The following TBC1D10A variants were observed in gnomAD, a reference collection of about 807,000 sequenced individuals.
TBC1D10A encodes the protein TBC1 domain family member 10A, also known as EBP50-PDX interactor of 64 kDa.
TBC1D10A carries 24 observed loss-of-function variants against 52.9 expected under a neutral mutation model. The observed-to-expected ratio is 0.45, with a 90% CI of 0.33 to 0.64. The LOEUF is 0.64. TBC1D10A is among the 30% of genes least tolerant of loss of function. The pLI, the probability that TBC1D10A is intolerant of heterozygous loss-of-function variation, is 0.02. For synonymous variants in TBC1D10A, 278 were observed against 282.9 expected (o/e 0.98, Z 0.17); for missense variants, 602 against 687.9 (o/e 0.88, Z 1.40).
chr22:30,293,815 G>T lies in TBC1D10A; in HGVS notation c.896-10C>A. 1 of 1,606,858 alleles carries T rather than the reference G, an allele frequency of 6.2e-7. No individual in the cohort carries two copies. Among genetic ancestry groups the T allele is most frequent in the Admixed American group, 1.7e-5 (1 of 59,836 alleles). On this transcript the variant is annotated splice_polypyrimidine_tract_variant and intron_variant, in intron 7 of 8. Coordinates refer to ENST00000215790, the MANE Select transcript of TBC1D10A (RefSeq NM_031937.3). ...AAGATGATCTTGACCCCTGCATGGGGGATGGGCAGTAAGTACAAGGAAGCT... is the reference window on the plus strand; with the variant it reads ...AAGATGATCTTGACCCCTGCATGGGTGATGGGCAGTAAGTACAAGGAAGCT...
intron 1 of TBC1D10A, among the ~76,000 whole-genome samples, chr22:30,322,459 C>T (rs8140547): frequency 2.0e-5 from 3 of 151,984 alleles, no homozygotes; most frequent in Admixed American, 6.6e-5. Context: ...AGGTTCCCTG[C>T]GGAGTAGGCT....
intron 2 of TBC1D10A, among the ~76,000 whole-genome samples, chr22:30,303,355 A>G (rs1051933218): frequency 1.6e-4 from 25 of 152,258 alleles, no homozygotes; most frequent in Non-Finnish European, 2.5e-4. Flanking sequence ...ATAGACAGAT[A>G]GCTATAGAGA....
intron 1 of TBC1D10A, among the ~76,000 whole-genome samples, chr22:30,315,074 T>G (rs1163109259): frequency 6.6e-6 from 1 of 152,146 alleles, no homozygotes; most frequent in Non-Finnish European, 1.5e-5. Context: ...CTGCTCCAGA[T>G]GACTCAGCGA....
rs1365463322 is a variant in TBC1D10A at position 30,326,936 on chromosome 22, G to A, written c.-55C>T. ...CGGCCACCTCAGCCGCCCTGCTGCC[G>A]CCGACGCCCCGCCCACGCGCGGCGC... On this transcript the variant is annotated 5_prime_UTR_variant, in exon 1 of 9. Transcript: ENST00000215790. The A allele has an allele frequency of 6.1e-5, 83 of 1,352,402 alleles. No homozygotes were observed. Among genetic ancestry groups the A allele is most frequent in the South Asian group, 2.7e-4 (15 of 56,042 alleles). The allele number at this position is 1,352,402 out of a possible 1,614,324, so 83.8% of individuals were successfully genotyped here.
chr22:30,316,755 G>C (rs1930545570), intron 1 of TBC1D10A, among the ~76,000 whole-genome samples: 1 of 152,190 alleles, frequency 6.6e-6, no homozygotes, highest in South Asian at 2.1e-4. Context: ...AGCTGCCTTA[G>C]TTGGCTGGCA....
chr22:30,314,977 A>G (rs1930505314), intron 1 of TBC1D10A, among the ~76,000 whole-genome samples: 1 of 152,144 alleles, frequency 6.6e-6, no homozygotes, highest in Admixed American at 6.5e-5. Flanking sequence ...CCTTGAGTGG[A>G]ATCTTTCGGG....
chr22:30,311,578 A>G (rs1366003132), intron 1 of TBC1D10A, among the ~76,000 whole-genome samples: 1 of 152,072 alleles, frequency 6.6e-6, no homozygotes, highest in Non-Finnish European at 1.5e-5. Flanking sequence ...ACAATGGTAA[A>G]CAGGTTCTCT....
At chr22:30,323,896 G>A (rs749332438) in intron 1 of TBC1D10A, among the ~76,000 whole-genome samples, 5 of 152,108 alleles carry the variant, frequency 3.3e-5, no homozygotes, top group Non-Finnish European at 5.9e-5. Flanking sequence ...ACTTGAACCC[G>A]GGAGGCAGAT....
In TBC1D10A at chr22:30,304,636, G is replaced by A; in HGVS notation, c.210-6C>T. ...CCAGGGGTACTTCCTCCAGCCTGTG[G>A]AGCAGAGGGCAGGGCCTGTGAGAGG... is the stretch of plus-strand genomic sequence containing the variant. On this transcript the variant is annotated splice_polypyrimidine_tract_variant and splice_region_variant and intron_variant, in intron 1 of 8. Coordinates refer to ENST00000215790, the MANE Select transcript of TBC1D10A (RefSeq NM_031937.3). 6.2e-7 allele frequency: 1 copy of A among 1,613,934 alleles called. No homozygotes were observed. Among genetic ancestry groups the A allele is most frequent in the Non-Finnish European group, 8.5e-7 (1 of 1,179,900 alleles).
intron 1 of TBC1D10A, among the ~76,000 whole-genome samples, chr22:30,305,119 C>G (rs542372603): frequency 6.6e-6 from 1 of 152,220 alleles, no homozygotes; most frequent in East Asian, 1.9e-4. Context: ...CCCTTTCCCT[C>G]TCAGCCTTTA....
At chr22:30,303,306 T>TAGACAGACAGAC (rs3067181) in intron 2 of TBC1D10A, among the ~76,000 whole-genome samples, 165 of 148,916 alleles carry the variant, frequency 1.1e-3, no homozygotes, top group Non-Finnish European at 1.4e-3. Context: ...GATAGATAGA[T>TAGACAGACAGAC]AGACAGACAG....
intron 4 of TBC1D10A, 53 bp from the exon 5 acceptor site, chr22:30,295,108 G>A (rs574423206): frequency 1.3e-4 from 206 of 1,570,214 alleles, no homozygotes; most frequent in Non-Finnish European, 1.8e-4. Context: ...TGCTACCCAC[G>A]GCCTTCACCT....
intron 4 of TBC1D10A, 103 bp from the exon 5 acceptor site, chr22:30,295,158 C>T: frequency 2.7e-6 from 3 of 1,118,040 alleles, no homozygotes; most frequent in Non-Finnish European, 2.6e-6. Flanking sequence ...TCTGCCCCTC[C>T]CTTGAGAGGG....
intron 1 of TBC1D10A, among the ~76,000 whole-genome samples, chr22:30,324,255 G>A (rs1930719237): frequency 6.6e-6 from 1 of 152,308 alleles, no homozygotes; most frequent in South Asian, 2.1e-4. Flanking sequence ...ACGAGACTGG[G>A]TTCAGGGCGG....
intron 2 of TBC1D10A, among the ~76,000 whole-genome samples, chr22:30,302,031 C>T (rs1244293602): frequency 6.6e-6 from 1 of 152,238 alleles, no homozygotes; most frequent in Non-Finnish European, 1.5e-5. Context: ...GGCAGCCCCA[C>T]ATCATCACAG....
chr22:30,321,629 G>T (rs905378989), intron 1 of TBC1D10A, among the ~76,000 whole-genome samples: 2 of 152,172 alleles, frequency 1.3e-5, no homozygotes, highest in African/African-American at 4.8e-5. Flanking sequence ...CCCATAACAG[G>T]AAGCCAACAC....
Position 30,294,929 on chromosome 22 carries a change from G to A in TBC1D10A, c.639+12C>T, listed in dbSNP as rs751045505. 9.9e-6 allele frequency: 16 copies of A among 1,614,024 alleles called. No homozygotes were observed. Among genetic ancestry groups the A allele is most frequent in the Non-Finnish European group, 1.3e-5 (15 of 1,180,018 alleles). ...CCACCCACCCCCCTGCCTGCCCGGG[G>A]CCTGGTGGTACCTCAGCAGGCATAT... On this transcript the variant is annotated intron_variant, in intron 5 of 8. Coordinates refer to ENST00000215790, the MANE Select transcript of TBC1D10A (RefSeq NM_031937.3).
intron 1 of TBC1D10A, among the ~76,000 whole-genome samples, chr22:30,309,653 G>A (rs773018772): frequency 6.6e-5 from 10 of 152,202 alleles, no homozygotes; most frequent in Non-Finnish European, 1.3e-4. Context: ...GCTGTGCCAC[G>A]TCATGGTCCA....
At chr22:30,296,017 C>T in intron 3 of TBC1D10A, 174 bp from the exon 4 acceptor site, 1 of 626,390 alleles carries the variant, frequency 1.6e-6, no homozygotes, top group East Asian at 2.8e-5. Context: ...GTAAGGAATG[C>T]CTGGGCAGGG....
Sources: allele counts gnomAD v4.1 joint callset (sites outside exome capture counted in the v4.1 genomes callset), GRCh38; gene constraint gnomAD v4.1.1; transcripts MANE v1.5; gene names NCBI Gene and HGNC (gene_info 2026-07-23, HGNC 2026-07-21).